Variants in EPB41L5 observed in about 807,000 individuals in gnomAD.
EPB41L5 encodes the protein erythrocyte membrane protein band 4.1 like 5, also known as band 4.1-like protein 5.
In EPB41L5, 55 loss-of-function variants were observed where a neutral mutation model predicts 106.6. That is an observed-to-expected ratio of 0.52 (90% confidence interval 0.42 to 0.65). EPB41L5 has a LOEUF of 0.65. Ranked by LOEUF, EPB41L5 falls within the 30% of genes least tolerant of loss-of-function variation. EPB41L5 has a pLI of 0.00. For synonymous variants in EPB41L5, 297 were observed against 306.7 expected, an observed-to-expected ratio of 0.97 and a Z score of 0.33; for missense variants, 871 against 882.1, an observed-to-expected ratio of 0.99 and a Z score of 0.16.
chr2:120,152,514 A>G (rs185710142), intron 20 of EPB41L5, among the ~76,000 whole-genome samples: 11 of 152,224 alleles, frequency 7.2e-5, no homozygotes, highest in East Asian at 5.8e-4. Context: ...CAGCCTCCCA[A>G]ATTGCTGGGG....
At chr2:120,090,593 C>A in intron 12 of EPB41L5, 77 bp downstream of exon 12, 2 of 1,303,642 alleles carry the variant, frequency 1.5e-6, no homozygotes, top group Non-Finnish European at 2.1e-6. Context: ...CTCTTTTTTA[C>A]AGATATGGTA....
At chr2:120,086,454 C>T (rs1192688610) in intron 10 of EPB41L5, among the ~76,000 whole-genome samples, 2 of 152,082 alleles carry the variant, frequency 1.3e-5, no homozygotes, top group African/African-American at 4.8e-5. Flanking sequence ...TTCCTCTACC[C>T]AAAATTCCTG....
chr2:120,138,747 TC>T (rs1380128545), intron 18 of EPB41L5, among the ~76,000 whole-genome samples: 9 of 152,002 alleles, frequency 5.9e-5, no homozygotes, highest in African/African-American at 1.7e-4. Context: ...TGATTCAATG[TC>T]CATACTTCCC....
At chr2:120,174,657 GT>G (rs1296213085) in intron 24 of EPB41L5, among the ~76,000 whole-genome samples, 183 bp from the exon 25 acceptor site, 5 of 152,228 alleles carry the variant, frequency 3.3e-5, no homozygotes, top group African/African-American at 4.8e-5. Flanking sequence ...GAAATAAGCA[GT>G]GTTTATCCAG....
rs1687925987 is a variant in EPB41L5 at position 120,176,575 on chromosome 2, TCCC to T, written c.*1670_*1672del. 1 of 152,234 alleles carries T rather than the reference TCCC, an allele frequency of 6.6e-6. No homozygotes were observed. The allele number at this position is 152,234 out of a possible 1,614,324, so 9.4% of individuals were successfully genotyped here. On this transcript the variant is annotated 3_prime_UTR_variant, in exon 25 of 25. Transcript: ENST00000263713. Reference sequence around the variant, plus strand: ...AAGTCAACACTTCTTGCTGGCTGCCTCCCCTTAGCCATTATGCTAAAAACAGCT... The same window carrying T: ...AAGTCAACACTTCTTGCTGGCTGCCTCTTAGCCATTATGCTAAAAACAGCT...
chr2:120,152,305 A>G (rs1397257583), intron 20 of EPB41L5, among the ~76,000 whole-genome samples: 1 of 152,160 alleles, frequency 6.6e-6, no homozygotes, highest in Non-Finnish European at 1.5e-5. Context: ...CTTTCTGTTA[A>G]TATGGTGTGG....
At chr2:120,111,676 T>G (rs1684733930) in intron 16 of EPB41L5, among the ~76,000 whole-genome samples, 1 of 152,134 alleles carries the variant, frequency 6.6e-6, no homozygotes, top group South Asian at 2.1e-4. Flanking sequence ...TTTCCATTTG[T>G]TGTCAGCCCT....
At chr2:120,161,358 A>G (rs1053468789) in intron 21 of EPB41L5, among the ~76,000 whole-genome samples, 3 of 146,534 alleles carry the variant, frequency 2.0e-5, no homozygotes, top group Non-Finnish European at 4.5e-5. Flanking sequence ...AGCCTGAGTA[A>G]TACAGTGAGA....
intron 23 of EPB41L5, among the ~76,000 whole-genome samples, 153 bp downstream of exon 23, chr2:120,167,660 T>G (rs1450472940): frequency 6.6e-6 from 1 of 152,254 alleles, no homozygotes; most frequent in Non-Finnish European, 1.5e-5. Context: ...AGCTAGTGGC[T>G]TACCCTTTCT....
At chr2:120,053,755 A>G (rs1452058856) in intron 3 of EPB41L5, among the ~76,000 whole-genome samples, 1 of 152,140 alleles carries the variant, frequency 6.6e-6, no homozygotes, top group Non-Finnish European at 1.5e-5. Context: ...TATTTCTACT[A>G]TTTGGCTGTT....
At chr2:120,018,370 A>G (rs550717583) in intron 1 of EPB41L5, among the ~76,000 whole-genome samples, 1 of 152,138 alleles carries the variant, frequency 6.6e-6, no homozygotes, top group African/African-American at 2.4e-5. Flanking sequence ...AGAAGACCTG[A>G]TGAACTTCAT....
At chr2:120,150,956 T>G (rs754559807) in intron 20 of EPB41L5, among the ~76,000 whole-genome samples, 2 of 152,228 alleles carry the variant, frequency 1.3e-5, no homozygotes, top group Non-Finnish European at 2.9e-5. Context: ...AAGATCATAA[T>G]GATTAACAGT....
chr2:120,158,986 A>G lies in EPB41L5; in HGVS notation c.1794-1895A>G, dbSNP rs780309114. On this transcript the variant is annotated intron_variant, in intron 20 of 24. Transcript: ENST00000263713. The stretch of plus-strand genomic sequence containing the variant: ...CCAAATCAGGAACGCAGTCCTATTC[A>G]CAATTGCCATAAAAAGAATAAAATA... Among the ~76,000 whole-genome samples, 9 of 152,224 alleles carry G rather than the reference A, an allele frequency of 5.9e-5. 1 individual carries two copies. Among genetic ancestry groups the G allele is most frequent in the Non-Finnish European group, 8.8e-5 (6 of 68,032 alleles).
intron 3 of EPB41L5, among the ~76,000 whole-genome samples, chr2:120,066,066 G>T (rs1681423255): frequency 6.6e-6 from 1 of 151,776 alleles, no homozygotes; most frequent in Non-Finnish European, 1.5e-5. Flanking sequence ...GAGTGCCTGT[G>T]TTATGGGGTG....
At chr2:120,034,450 C>G in intron 2 of EPB41L5, among the ~76,000 whole-genome samples, 1 of 152,040 alleles carries the variant, frequency 6.6e-6, no homozygotes, top group East Asian at 1.9e-4. Context: ...AGTTTGGTAC[C>G]AGATAGATGA....
Position 120,064,852 on chromosome 2 carries a change from C to T in EPB41L5, c.286-8326C>T, listed in dbSNP as rs180674200. On this transcript the variant is annotated intron_variant, in intron 3 of 24. Transcript: ENST00000263713. The stretch of plus-strand genomic sequence containing the variant: ...TCTGAGGCCTGAATTTTCCAGGCCT[C>T]GGTCTTGGAATGTGGAGGAGATGAA... 1.3e-4 allele frequency among the ~76,000 whole-genome samples: 20 copies of T among 152,238 alleles called. No individual in the cohort carries two copies. The East Asian group carries it at 3.5e-3, about 26-fold the overall frequency.
intron 16 of EPB41L5, among the ~76,000 whole-genome samples, chr2:120,113,032 A>T (rs1325449064): frequency 1.3e-5 from 2 of 152,194 alleles, no homozygotes; most frequent in Non-Finnish European, 2.9e-5. Context: ...ATTCTATTTT[A>T]GGGGGCAGTG....
At chr2:120,093,402 G>C in intron 14 of EPB41L5, 126 bp downstream of exon 14, 3 of 782,608 alleles carry the variant, frequency 3.8e-6, no homozygotes, top group Non-Finnish European at 6.7e-6. Flanking sequence ...GGATATGTCA[G>C]GGAATAAATG....
intron 7 of EPB41L5, 47 bp downstream of exon 7, chr2:120,075,800 T>C (rs1212216964): frequency 2.1e-6 from 3 of 1,433,974 alleles, no homozygotes; most frequent in East Asian, 4.6e-5. Flanking sequence ...ATAATCTTTT[T>C]TGTGTGTGTT....
Sources: gnomAD v4.1 joint callset for allele counts (sites outside exome capture counted in the v4.1 genomes callset) on GRCh38, gnomAD v4.1.1 for gene constraint, MANE v1.5 for transcripts, NCBI Gene and HGNC (gene_info 2026-07-23, HGNC 2026-07-21) for gene names.